RHPN2: variants seen among roughly 807,000 people sequenced by gnomAD.
The protein encoded by RHPN2 is rhophilin-2.
In RHPN2, 40 loss-of-function variants were observed where a neutral mutation model predicts 79.0. The observed-to-expected ratio is 0.51, with a 90% CI of 0.39 to 0.66. RHPN2 has a LOEUF of 0.66. RHPN2 is among the 30% of genes least tolerant of loss of function. The pLI is 0.00. For synonymous variants in RHPN2, 285 were observed against 363.5 expected, an observed-to-expected ratio of 0.78 and a Z score of 2.46; for missense variants, 686 against 883.5, an observed-to-expected ratio of 0.78 and a Z score of 2.83.
At chr19:33,028,209 T>C (rs1433010554) in intron 2 of RHPN2, among the ~76,000 whole-genome samples, 1 of 150,502 alleles carries the variant, frequency 6.6e-6, no homozygotes, top group Non-Finnish European at 1.5e-5. Flanking sequence ...TAGGCTGGAG[T>C]GCAATGTCAC....
At chr19:33,005,702 T>C (rs1971785478) in intron 7 of RHPN2, among the ~76,000 whole-genome samples, 1 of 151,940 alleles carries the variant, frequency 6.6e-6, no homozygotes, top group South Asian at 2.1e-4. Context: ...CTCCCCACTG[T>C]TCTCCTACTT....
At chr19:32,983,382 G>T (rs1410604560) in intron 14 of RHPN2, among the ~76,000 whole-genome samples, 5 of 151,708 alleles carry the variant, frequency 3.3e-5, no homozygotes, top group African/African-American at 7.3e-5. Flanking sequence ...CGTGGTGGCG[G>T]GCACCTGTAG....
chr19:33,032,273 T>G (rs1332071539), intron 2 of RHPN2, among the ~76,000 whole-genome samples: 8 of 152,144 alleles, frequency 5.3e-5, no homozygotes, highest in African/African-American at 1.9e-4. Context: ...CACCTCGGCC[T>G]CCCGAAGTGC....
In RHPN2 at chr19:33,005,933, G is replaced by A. The variant is rs1026664183; in HGVS notation, c.760+2081C>T. Among the ~76,000 whole-genome samples the A allele has an allele frequency of 6.6e-5, 10 of 151,682 alleles. 1 individual carries two copies. Among genetic ancestry groups the A allele is most frequent in the Admixed American group, 5.3e-4 (8 of 15,186 alleles). The stretch of plus-strand genomic sequence containing the variant: ...TTTTGGGACAGGGTCTTGCTCTGTC[G>A]CCCAAGCTGGAGTGCAATGGCGCGA... On this transcript the variant is annotated intron_variant, in intron 7 of 14. Coordinates refer to ENST00000254260, the MANE Select transcript of RHPN2 (RefSeq NM_033103.5).
chr19:33,000,224 T>A (rs1971738404), intron 9 of RHPN2, among the ~76,000 whole-genome samples: 1 of 145,910 alleles, frequency 6.9e-6, no homozygotes, highest in Non-Finnish European at 1.5e-5. Flanking sequence ...GTTCATAATT[T>A]TTTTTTTTTT....
At chr19:32,990,318 A>C (rs1971647467) in intron 14 of RHPN2, 196 bp downstream of exon 14, 3 of 662,738 alleles carry the variant, frequency 4.5e-6, no homozygotes, top group Non-Finnish European at 8.0e-6. Flanking sequence ...CGCTGTCTTT[A>C]AAAAGAAAAA....
intron 10 of RHPN2, among the ~76,000 whole-genome samples, chr19:32,998,880 A>G (rs931031369): frequency 7.6e-6 from 1 of 132,244 alleles, no homozygotes; most frequent in African/African-American, 2.9e-5. Flanking sequence ...GGAGAGAGGA[A>G]AGGAGGGGAG....
intron 6 of RHPN2, among the ~76,000 whole-genome samples, chr19:33,008,530 G>A (rs1260116897): frequency 1.3e-5 from 2 of 151,988 alleles, no homozygotes; most frequent in Non-Finnish European, 2.9e-5. Flanking sequence ...AGCACTTTGG[G>A]AGGCCGAGGC....
chr19:32,993,148 T>C (rs1328188935), intron 12 of RHPN2, among the ~76,000 whole-genome samples: 1 of 151,550 alleles, frequency 6.6e-6, no homozygotes, highest in African/African-American at 2.4e-5. Flanking sequence ...TTTAAAAAAT[T>C]TTAAATAGAC....
chr19:33,012,801 G>A, intron 4 of RHPN2, 77 bp from the exon 5 acceptor site: 6 of 808,266 alleles, frequency 7.4e-6, no homozygotes, highest in South Asian at 7.1e-5. Flanking sequence ...TATGTCAATT[G>A]TGAACCCATT....
chr19:33,030,898 C>T (rs539373902), intron 2 of RHPN2, among the ~76,000 whole-genome samples: 1 of 152,134 alleles, frequency 6.6e-6, no homozygotes, highest in Non-Finnish European at 1.5e-5. Flanking sequence ...ATTTTAGGGA[C>T]CAGTCACACA....
intron 1 of RHPN2, among the ~76,000 whole-genome samples, chr19:33,057,614 TG>T (rs1972244303): frequency 6.8e-6 from 1 of 147,766 alleles, no homozygotes; most frequent in Non-Finnish European, 1.5e-5. Context: ...AGGCAGAGGC[TG>T]TGGTGAGCCA....
At chr19:33,049,257 G>A (rs1972168397) in intron 1 of RHPN2, among the ~76,000 whole-genome samples, 1 of 152,122 alleles carries the variant, frequency 6.6e-6, no homozygotes, top group Non-Finnish European at 1.5e-5. Context: ...AGAAACTATT[G>A]GCCATCTACT....
intron 3 of RHPN2, among the ~76,000 whole-genome samples, chr19:33,024,826 A>G (rs1971953315): frequency 1.3e-5 from 2 of 152,118 alleles, no homozygotes; most frequent in Non-Finnish European, 2.9e-5. Context: ...TGTTGCCATT[A>G]CTACAGTCTC....
chr19:33,011,814 A>T lies in RHPN2; in HGVS notation c.469-11T>A. 6.2e-7 allele frequency: 1 copy of T among 1,613,926 alleles called. No individual in the cohort carries two copies. Among genetic ancestry groups the T allele is most frequent in the Non-Finnish European group, 8.5e-7 (1 of 1,179,836 alleles). On this transcript the variant is annotated splice_polypyrimidine_tract_variant and intron_variant, in intron 5 of 14. Coordinates refer to ENST00000254260, the MANE Select transcript of RHPN2 (RefSeq NM_033103.5). The stretch of plus-strand genomic sequence containing the variant: ...AGGCGTCCGACAAGCCTGCAAGGAA[A>T]AGAACCCAAGAGGGCATGAGCAGAG...
Position 33,052,148 on chromosome 19 carries a change from A to C in RHPN2, c.70-7784T>G, listed in dbSNP as rs141185626. Among the ~76,000 whole-genome samples, 537 of 152,180 alleles carry C rather than the reference A, an allele frequency of 3.5e-3. 2 individuals are homozygous for C. Among genetic ancestry groups the C allele is most frequent in the Admixed American group, 8.1e-3 (123 of 15,264 alleles). ...AATATAAAACTGGAGGCAGGCACTT[A>C]ATTAGGAAGAAAGGAAAGGGTGGTC... On this transcript the variant is annotated intron_variant, in intron 1 of 14. Transcript: ENST00000254260.
intron 14 of RHPN2, among the ~76,000 whole-genome samples, chr19:32,988,224 C>A (rs10420910): frequency 0.029 from 4,344 of 148,810 alleles, 159 homozygotes; most frequent in Non-Finnish European, 0.034. Context: ...AAAAAAAAAA[C>A]AAAACAAACA....
chr19:32,983,055 TACACACACACACACACACAC>T (rs57230466), intron 14 of RHPN2, among the ~76,000 whole-genome samples: 2 of 103,370 alleles, frequency 1.9e-5, no homozygotes, highest in African/African-American at 3.8e-5. Flanking sequence ...CCCAGATCTC[TACACACACACACACACACAC>T]ACACACACAC....
rs56178801 is a variant in RHPN2, at chr19:32,992,813, TA to T, written c.1498-845del. ...GTGAAAACAGAGTTAGACCCTGTCT[TA>T]AAAAAAAAAAAAAAAAAGGAAAAAA... On this transcript the variant is annotated intron_variant, in intron 12 of 14. Coordinates refer to ENST00000254260, the MANE Select transcript of RHPN2 (RefSeq NM_033103.5). Among the ~76,000 whole-genome samples, 777 of 119,628 alleles carry T rather than the reference TA, an allele frequency of 6.5e-3. 2 individuals are homozygous for T. The highest frequency in any genetic ancestry group is 6.8e-3 in the African/African-American group (215 of 31,438). The allele number at this position is 119,628 out of a possible 152,430, so 78.5% of individuals were successfully genotyped here. A position where few individuals can be genotyped will look rare whatever the true frequency, so the allele number is the denominator to read the frequency against.
Sources: gnomAD v4.1 joint callset for allele counts (sites outside exome capture counted in the v4.1 genomes callset) on GRCh38, gnomAD v4.1.1 for gene constraint, MANE v1.5 for transcripts, NCBI Gene and HGNC (gene_info 2026-07-23, HGNC 2026-07-21) for gene names.